ARHGAP44: variants seen among roughly 807,000 people sequenced by gnomAD.
ARHGAP44 encodes rho GTPase-activating protein 44.
A neutral mutation model predicts 106.8 loss-of-function variants in ARHGAP44; 43 were observed. The ratio of observed to expected loss-of-function variants is 0.40; its 90% CI spans 0.32 to 0.52. The LOEUF (loss-of-function observed/expected upper bound fraction) is 0.52, where lower values mean the gene tolerates loss of function less well. Among genes scored for constraint, ARHGAP44 ranks in the 20% least tolerant of loss-of-function variants. The probability of loss-of-function intolerance (pLI) is 0.48; values close to 1 mark genes in which losing one functional copy is unlikely to be tolerated. For missense variants in ARHGAP44, 866 were observed against 1,050.5 expected (o/e 0.82, Z 2.43); for synonymous variants, 439 against 410.3 (o/e 1.07, Z -0.85).
At chr17:12,875,110 G>C (rs989960670) in intron 1 of ARHGAP44, among the ~76,000 whole-genome samples, 9 of 152,196 alleles carry the variant, frequency 5.9e-5, no homozygotes, top group Admixed American at 1.3e-4. Flanking sequence ...CATCTGGAGG[G>C]TTGGTTAAAA....
chr17:12,800,356 T>C (rs542904568), intron 1 of ARHGAP44, among the ~76,000 whole-genome samples: 1 of 152,282 alleles, frequency 6.6e-6, no homozygotes, highest in Non-Finnish European at 1.5e-5. Flanking sequence ...TAATAGTTAT[T>C]GTATCACTCA....
chr17:12,826,019 C>G (rs1433268077), intron 1 of ARHGAP44, among the ~76,000 whole-genome samples: 1 of 152,092 alleles, frequency 6.6e-6, no homozygotes, highest in Non-Finnish European at 1.5e-5. Flanking sequence ...TGTTGATAAA[C>G]AGTTTTGTGA....
At chr17:12,972,663 A>G (rs1177595882) in intron 16 of ARHGAP44, among the ~76,000 whole-genome samples, 1 of 51,918 alleles carries the variant, frequency 1.9e-5, no homozygotes, top group Admixed American at 2.1e-4. Flanking sequence ...AAATAAATAA[A>G]TATTTTTTTT....
At chr17:12,973,579 C>G in intron 17 of ARHGAP44, 1 of 545,268 alleles carries the variant, frequency 1.8e-6, no homozygotes, top group Non-Finnish European at 3.2e-6. Flanking sequence ...AGTGGTGGAG[C>G]TGGGGCTAGA....
At chr17:12,841,141 G>A (rs1397026072) in intron 1 of ARHGAP44, among the ~76,000 whole-genome samples, 3 of 152,130 alleles carry the variant, frequency 2.0e-5, no homozygotes, top group South Asian at 2.1e-4. Context: ...TGAGGAAGGC[G>A]CCTTTTCCAG....
At chr17:12,920,405 G>T (rs1361225834) in intron 6 of ARHGAP44, among the ~76,000 whole-genome samples, 3 of 150,656 alleles carry the variant, frequency 2.0e-5, no homozygotes, top group Admixed American at 6.6e-5. Flanking sequence ...GTAACACAGG[G>T]TAGTTTTGGA....
At chr17:12,799,940 A>AT (rs1233756597) in intron 1 of ARHGAP44, among the ~76,000 whole-genome samples, 1 of 152,122 alleles carries the variant, frequency 6.6e-6, no homozygotes, top group African/African-American at 2.4e-5. Context: ...GAGAAAATTA[A>AT]TTTTTTGTTT....
chr17:12,793,356 C>G (rs73288384), intron 1 of ARHGAP44, among the ~76,000 whole-genome samples: 107 of 152,350 alleles, frequency 7.0e-4, no homozygotes, highest in African/African-American at 2.5e-3. Flanking sequence ...GTCCCAGACA[C>G]TGCTCTGGTT....
At chr17:12,860,393 C>T (rs1044614725) in intron 1 of ARHGAP44, among the ~76,000 whole-genome samples, 4 of 152,164 alleles carry the variant, frequency 2.6e-5, no homozygotes, top group Non-Finnish European at 5.9e-5. Context: ...TTATATAGCA[C>T]CCTCTATCCA....
chr17:12,841,162 G>A (rs2035379181), intron 1 of ARHGAP44, among the ~76,000 whole-genome samples: 1 of 152,168 alleles, frequency 6.6e-6, no homozygotes, highest in Non-Finnish European at 1.5e-5. Context: ...TTTGCACAGA[G>A]GCACATCCTG....
At chr17:12,801,385 G>A (rs928748149) in intron 1 of ARHGAP44, among the ~76,000 whole-genome samples, 2 of 152,184 alleles carry the variant, frequency 1.3e-5, no homozygotes, top group Non-Finnish European at 2.9e-5. Flanking sequence ...GTAGGTTCTG[G>A]TGTCTCCCCC....
intron 18 of ARHGAP44, among the ~76,000 whole-genome samples, chr17:12,974,943 A>G (rs1009941093): frequency 1.3e-5 from 2 of 151,470 alleles, no homozygotes; most frequent in African/African-American, 4.9e-5. Flanking sequence ...TCCGCCTTAC[A>G]GGCTCAAGCG....
chr17:12,843,411 AT>A (rs67301977), intron 1 of ARHGAP44, among the ~76,000 whole-genome samples: 39 of 150,410 alleles, frequency 2.6e-4, no homozygotes, highest in East Asian at 1.2e-3. Context: ...CATTGTAAGC[AT>A]TTTTTTTTCC....
At chr17:12,926,334 C>T (rs1170714912) in intron 6 of ARHGAP44, among the ~76,000 whole-genome samples, 1 of 150,074 alleles carries the variant, frequency 6.7e-6, no homozygotes, top group East Asian at 1.9e-4. Context: ...CACTGCACTC[C>T]AGCCTGGGTG....
At position 12,821,399 on chromosome 17, in the gene ARHGAP44, A is replaced by C. The variant is rs145291566; in HGVS notation, c.53+31508A>C. 8.3e-3 allele frequency among the ~76,000 whole-genome samples: 1,270 copies of C among 152,326 alleles called. 17 individuals carry two copies. Among genetic ancestry groups the C allele is most frequent in the African/African-American group, 0.028 (1,154 of 41,574 alleles). ...GTTATTCACAAAATAAAAAAGTTCTAAATGTGCCTTGGGCCTTGGAATTTG... is the reference window on the plus strand; with the variant it reads ...GTTATTCACAAAATAAAAAAGTTCTCAATGTGCCTTGGGCCTTGGAATTTG... On this transcript the variant is annotated intron_variant, in intron 1 of 20. Transcript: ENST00000379672.
At chr17:12,928,877 A>T in intron 6 of ARHGAP44, 52 bp from the exon 7 acceptor site, 1 of 1,483,908 alleles carries the variant, frequency 6.7e-7, no homozygotes. Context: ...CTCCCATGGG[A>T]TCCCCAGGGC....
At chr17:12,887,960 T>C (rs2036929999) in intron 1 of ARHGAP44, among the ~76,000 whole-genome samples, 1 of 151,892 alleles carries the variant, frequency 6.6e-6, no homozygotes, top group Admixed American at 6.6e-5. Flanking sequence ...TTCTGCAGGG[T>C]ATGTTAATGA....
chr17:12,915,512 T>G (rs761271678), intron 4 of ARHGAP44, among the ~76,000 whole-genome samples: 2 of 152,214 alleles, frequency 1.3e-5, no homozygotes, highest in Non-Finnish European at 2.9e-5. Flanking sequence ...GTCAGGGCTT[T>G]CTTTCTATCA....
intron 1 of ARHGAP44, among the ~76,000 whole-genome samples, chr17:12,867,465 A>AAGCG (rs1472387201): frequency 6.6e-6 from 1 of 152,140 alleles, no homozygotes; most frequent in Non-Finnish European, 1.5e-5. Context: ...TGCTTACAGG[A>AAGCG]AGCGGGGCAG....
Sources: allele counts gnomAD v4.1 joint callset (sites outside exome capture counted in the v4.1 genomes callset), GRCh38; gene constraint gnomAD v4.1.1; transcripts MANE v1.5; gene names NCBI Gene and HGNC (gene_info 2026-07-23, HGNC 2026-07-21).